Variants in HKDC1 observed in about 807,000 individuals in gnomAD.
HKDC1 encodes hexokinase HKDC1.
Under a neutral mutation model 96.6 loss-of-function variants are expected in HKDC1, and 66 were observed. The observed-to-expected ratio is 0.68, with a 90% CI of 0.56 to 0.84. The LOEUF (loss-of-function observed/expected upper bound fraction) is 0.84. HKDC1 is among the 40% of genes least tolerant of loss of function. The pLI is 0.00. For synonymous variants in HKDC1, 466 were observed against 473.1 expected, an observed-to-expected ratio of 0.98 and a Z score of 0.20; for missense variants, 1,211 against 1,208.1, an observed-to-expected ratio of 1.00 and a Z score of -0.04.
chr10:69,235,949 T>C (rs574805183), intron 4 of HKDC1, among the ~76,000 whole-genome samples: 3 of 152,230 alleles, frequency 2.0e-5, no homozygotes, highest in African/African-American at 7.2e-5. Flanking sequence ...TTATCTTCAT[T>C]CTATATTTGA....
Position 69,267,030 on chromosome 10 carries a change from A to C in HKDC1, c.*273A>C, listed in dbSNP as rs1843913355. The C allele has an allele frequency of 3.2e-6, 1 of 312,304 alleles. No homozygotes were observed. Among genetic ancestry groups the C allele is most frequent in the African/African-American group, 2.2e-5 (1 of 46,400 alleles). The allele number at this position is 312,304 out of a possible 1,614,324, so 19.3% of individuals were successfully genotyped here. A position where few individuals can be genotyped will look rare whatever the true frequency, so the allele number is the denominator to read the frequency against. Reference sequence around the variant, plus strand: ...GAGATCCCCTTTCAACACATTGTTCAGGTGAGGCTTGAGCTGTCAATTCTC... The same window carrying C: ...GAGATCCCCTTTCAACACATTGTTCCGGTGAGGCTTGAGCTGTCAATTCTC... On this transcript the variant is annotated 3_prime_UTR_variant, in exon 18 of 18. Coordinates refer to ENST00000354624, the MANE Select transcript of HKDC1 (RefSeq NM_025130.4).
intron 1 of HKDC1, among the ~76,000 whole-genome samples, chr10:69,222,344 TA>T (rs1843079841): frequency 6.6e-6 from 1 of 151,348 alleles, no homozygotes; most frequent in African/African-American, 2.4e-5. Flanking sequence ...GTAGCAAATT[TA>T]AAAACATTAT....
At position 69,257,316 on chromosome 10, in the gene HKDC1, T is replaced by G; in HGVS notation, c.1933-11T>G. 1 of 1,611,154 alleles carries G rather than the reference T, an allele frequency of 6.2e-7. No homozygotes were observed. The highest frequency in any genetic ancestry group is 8.5e-7 in the Non-Finnish European group (1 of 1,177,332). ...AAGCTGGGTTTTTTTTGTTTTTGTT[T>G]TTGTTTTTAGGAGTTTGACCTGGAC... On this transcript the variant is annotated splice_polypyrimidine_tract_variant and intron_variant, in intron 13 of 17. Transcript: ENST00000354624.
intron 2 of HKDC1, among the ~76,000 whole-genome samples, 177 bp downstream of exon 2, chr10:69,227,546 C>T (rs1366304181): frequency 6.9e-6 from 1 of 145,912 alleles, no homozygotes; most frequent in Non-Finnish European, 1.5e-5. Context: ...TTCTGCAGTT[C>T]TGCAGCCCCA....
chr10:69,248,288 T>C (rs1380228373), intron 9 of HKDC1, 136 bp from the exon 10 acceptor site: 8 of 813,932 alleles, frequency 9.8e-6, no homozygotes, highest in Non-Finnish European at 1.1e-5. Flanking sequence ...TCCCCTCCCC[T>C]CCCTACCATC....
intron 16 of HKDC1, among the ~76,000 whole-genome samples, chr10:69,263,715 G>T (rs1201361242): frequency 6.6e-6 from 1 of 152,358 alleles, no homozygotes; most frequent in South Asian, 2.1e-4. Flanking sequence ...CTGAGGATCA[G>T]GAAGGGAATG....
chr10:69,248,315 AGCCCC>A lies in HKDC1; in HGVS notation c.1266-101_1266-97del, dbSNP rs1843575960. On this transcript the variant is annotated intron_variant, in intron 9 of 17. Coordinates refer to ENST00000354624, the MANE Select transcript of HKDC1 (RefSeq NM_025130.4). The stretch of plus-strand genomic sequence containing the variant: ...CCTACCATCAGCAAATAAAGGGCTG[AGCCCC>A]GCCCCGCAGGGCCCTCCGGGACTGG... 2.7e-6 allele frequency: 3 copies of A among 1,126,458 alleles called. No homozygotes were observed. In the South Asian group the frequency reaches 4.7e-5, roughly 18 times the overall value. 69.8% of individuals were successfully genotyped at this position (1,126,458 alleles called of 1,614,324 possible).
At chr10:69,258,983 T>G (rs2132375890) in intron 15 of HKDC1, 24 bp downstream of exon 15, 1 of 1,509,736 alleles carries the variant, frequency 6.6e-7, no homozygotes, top group East Asian at 2.3e-5. Flanking sequence ...ATGTGTGCAT[T>G]TATGTGGGTT....
chr10:69,258,162 C>T (rs1843748979), intron 14 of HKDC1, among the ~76,000 whole-genome samples: 2 of 152,182 alleles, frequency 1.3e-5, no homozygotes, highest in African/African-American at 4.8e-5. Context: ...CTAACTCTTA[C>T]CCACTTTGTG....
chr10:69,253,533 T>G (rs1843676051), intron 12 of HKDC1, among the ~76,000 whole-genome samples: 1 of 152,212 alleles, frequency 6.6e-6, no homozygotes, highest in African/African-American at 2.4e-5. Context: ...TGAATAACCT[T>G]GAGCAGATTA....
intron 6 of HKDC1, among the ~76,000 whole-genome samples, chr10:69,242,309 C>T (rs891567416): frequency 3.3e-5 from 5 of 151,886 alleles, no homozygotes; most frequent in Admixed American, 2.0e-4. Flanking sequence ...TAAACAGTGT[C>T]CGTGCATTTC....
chr10:69,223,578 A>ATTTTTTTTTTTTTTTTTTTTTT (rs60016100), intron 1 of HKDC1, among the ~76,000 whole-genome samples: 1 of 85,580 alleles, frequency 1.2e-5, no homozygotes, highest in African/African-American at 4.8e-5. Context: ...CCACAATCTA[A>ATTTTTTTTTTTTTTTTTTTTTT]TTTTTTTTTT....
intron 16 of HKDC1, 31 bp from the exon 17 acceptor site, chr10:69,265,554 A>G: frequency 6.3e-7 from 1 of 1,598,682 alleles, no homozygotes; most frequent in Non-Finnish European, 8.6e-7. Flanking sequence ...CCTGGGAAGC[A>G]GGTCCTGACT....
intron 17 of HKDC1, 147 bp from the exon 18 acceptor site, chr10:69,266,463 T>TGAAAA (rs1554871468): frequency 2.7e-4 from 149 of 548,672 alleles, no homozygotes; most frequent in Non-Finnish European, 3.8e-4. Flanking sequence ...AGACCATGTC[T>TGAAAA]AAAAAAAAAA....
chr10:69,233,273 T>G, intron 4 of HKDC1, 140 bp downstream of exon 4: 3 of 1,175,518 alleles, frequency 2.6e-6, no homozygotes, highest in Non-Finnish European at 2.4e-6. Context: ...CATGATGAGG[T>G]GGCAGCGTGA....
intron 12 of HKDC1, among the ~76,000 whole-genome samples, chr10:69,252,280 CATGGAAGG>C (rs1249767553): frequency 1.3e-5 from 2 of 151,768 alleles, no homozygotes; most frequent in Non-Finnish European, 2.9e-5. Context: ...GGGAGGTCGA[CATGGAAGG>C]ATTGCTTGAG....
intron 2 of HKDC1, chr10:69,232,466 C>T: frequency 2.9e-6 from 1 of 344,704 alleles, no homozygotes. Flanking sequence ...CCTCTCATAC[C>T]ACCGCAAGGG....
chr10:69,258,790 A>G lies in HKDC1; in HGVS notation c.2047A>G (p.Met683Val), dbSNP rs762729234. ...ATTCCTTCTAGGAACAGGCAGCAAC[A>G]TGTGCTACATGGAGGACATGAGGAA... ...IGLIAGTGSNMCYMEDMRNIE... is the reference protein window; with the variant it reads ...IGLIAGTGSNVCYMEDMRNIE... The change falls in exon 15 of 18, where the codon ATG (methionine) becomes GTG (valine). Residue 683 changes from methionine (M) to valine (V), a missense_variant. Coordinates refer to ENST00000354624, the MANE Select transcript of HKDC1 (RefSeq NM_025130.4). 6.2e-7 allele frequency: 1 copy of G among 1,614,186 alleles called. No individual in the cohort carries two copies. Among genetic ancestry groups the G allele is most frequent in the South Asian group, 1.1e-5 (1 of 91,086 alleles).
At chr10:69,233,823 G>A (rs1000474932) in intron 4 of HKDC1, among the ~76,000 whole-genome samples, 7 of 145,978 alleles carry the variant, frequency 4.8e-5, no homozygotes, top group Non-Finnish European at 1.0e-4. Context: ...GCGTGAACCC[G>A]GGAGGCGGAG....
Sources: allele counts gnomAD v4.1 joint callset (sites outside exome capture counted in the v4.1 genomes callset), GRCh38; gene constraint gnomAD v4.1.1; transcripts MANE v1.5; gene names NCBI Gene and HGNC (gene_info 2026-07-23, HGNC 2026-07-21).